The following SLC35F1 variants were observed in gnomAD, a reference collection of about 807,000 sequenced individuals.
SLC35F1 encodes chromosome 6 open reading frame 169.
In SLC35F1, 14 loss-of-function variants were observed where a neutral mutation model predicts 48.7. The ratio of observed to expected loss-of-function variants is 0.29; its 90% CI spans 0.19 to 0.45. The LOEUF (loss-of-function observed/expected upper bound fraction) is 0.45. Ranked by LOEUF, SLC35F1 falls within the 20% of genes least tolerant of loss-of-function variation. SLC35F1 has a pLI of 1.00. For missense variants in SLC35F1, 404 were observed against 500.0 expected (o/e 0.81, Z 1.83); for synonymous variants, 190 against 202.2 (o/e 0.94, Z 0.51).
intron 1 of SLC35F1, among the ~76,000 whole-genome samples, chr6:118,140,321 G>T (rs77069447): frequency 0.017 from 2,602 of 152,238 alleles, 80 homozygotes; most frequent in African/African-American, 0.059. Flanking sequence ...ATATAACAGT[G>T]GTCCCATAAG....
intron 1 of SLC35F1, among the ~76,000 whole-genome samples, chr6:118,009,881 T>A (rs989905578): frequency 6.6e-6 from 1 of 152,060 alleles, no homozygotes; most frequent in African/African-American, 2.4e-5. Flanking sequence ...TAAGAAAAAA[T>A]TTTTCTGATG....
intron 2 of SLC35F1, among the ~76,000 whole-genome samples, chr6:118,192,559 T>G (rs773837184): frequency 1.3e-5 from 2 of 152,178 alleles, no homozygotes; most frequent in African/African-American, 2.4e-5. Flanking sequence ...AATAGTCAGT[T>G]AAATACACAA....
chr6:117,931,656 T>C (rs1776103294), intron 1 of SLC35F1, among the ~76,000 whole-genome samples: 1 of 152,074 alleles, frequency 6.6e-6, no homozygotes, highest in Non-Finnish European at 1.5e-5. Flanking sequence ...ATTGTGTGAG[T>C]AGGTGAAGGT....
At chr6:118,237,324 AACAC>A (rs67116512) in intron 3 of SLC35F1, among the ~76,000 whole-genome samples, 12,531 of 149,628 alleles carry the variant, frequency 0.084, 652 homozygotes, top group African/African-American at 0.15. Context: ...ATTCTAAGAA[AACAC>A]ACACACACAC....
At chr6:118,212,860 C>G (rs1309966634) in intron 2 of SLC35F1, among the ~76,000 whole-genome samples, 1 of 151,978 alleles carries the variant, frequency 6.6e-6, no homozygotes, top group Non-Finnish European at 1.5e-5. Context: ...AATAATTTAT[C>G]TAGTTTTCTT....
chr6:118,103,839 A>G (rs191337433), intron 1 of SLC35F1, among the ~76,000 whole-genome samples: 57 of 152,098 alleles, frequency 3.7e-4, no homozygotes, highest in Admixed American at 5.9e-4. Flanking sequence ...CTGATCTCAC[A>G]TTTTAGTTTT....
intron 1 of SLC35F1, among the ~76,000 whole-genome samples, chr6:117,952,334 C>A (rs1350074420): frequency 3.3e-5 from 5 of 152,134 alleles, no homozygotes; most frequent in African/African-American, 7.2e-5. Flanking sequence ...AGACCTGTAC[C>A]ATGGGGCTGC....
At chr6:117,999,464 T>G in intron 1 of SLC35F1, 1 of 1,562,312 alleles carries the variant, frequency 6.4e-7, no homozygotes, top group Non-Finnish European at 8.6e-7. Flanking sequence ...TCTGCCAACA[T>G]GAGGACAGAA....
At chr6:118,019,574 A>G (rs1046794501) in intron 1 of SLC35F1, among the ~76,000 whole-genome samples, 1 of 152,158 alleles carries the variant, frequency 6.6e-6, no homozygotes. Context: ...GTGAGCCAAG[A>G]TCACGCTACT....
chr6:118,009,163 G>A (rs891273491), intron 1 of SLC35F1, among the ~76,000 whole-genome samples: 10 of 152,038 alleles, frequency 6.6e-5, no homozygotes, highest in Non-Finnish European at 1.3e-4. Context: ...TGCCTGCCAC[G>A]TGTCAGGCAC....
chr6:117,945,622 C>T (rs958201119), intron 1 of SLC35F1, among the ~76,000 whole-genome samples: 16 of 152,246 alleles, frequency 1.1e-4, no homozygotes, highest in Non-Finnish European at 1.3e-4. Flanking sequence ...ATTCTTTTCC[C>T]GATTCTCTAG....
intron 1 of SLC35F1, among the ~76,000 whole-genome samples, chr6:117,991,829 A>G (rs1487419892): frequency 6.6e-6 from 1 of 152,168 alleles, no homozygotes; most frequent in Non-Finnish European, 1.5e-5. Flanking sequence ...TTTGGTTAGT[A>G]CTGGGATACA....
At chr6:118,274,376 C>T (rs1214579205) in intron 4 of SLC35F1, among the ~76,000 whole-genome samples, 1 of 152,110 alleles carries the variant, frequency 6.6e-6, no homozygotes, top group Non-Finnish European at 1.5e-5. Context: ...TTTAAATCAA[C>T]CAAAATTGAG....
intron 1 of SLC35F1, among the ~76,000 whole-genome samples, chr6:117,921,980 C>T (rs1361287): frequency 0.19 from 28,899 of 152,044 alleles, 3,443 homozygotes; most frequent in South Asian, 0.29. Context: ...AAAAAGATTT[C>T]TTAGCCAAAT....
intron 1 of SLC35F1, among the ~76,000 whole-genome samples, chr6:118,109,020 C>A (rs989721166): frequency 6.6e-6 from 1 of 152,086 alleles, no homozygotes; most frequent in African/African-American, 2.4e-5. Context: ...ATAGTGAAAG[C>A]TAATGATGAA....
At chr6:117,992,719 A>G (rs1776935151) in intron 1 of SLC35F1, among the ~76,000 whole-genome samples, 1 of 152,268 alleles carries the variant, frequency 6.6e-6, no homozygotes, top group Non-Finnish European at 1.5e-5. Flanking sequence ...TTAAAGTGCC[A>G]TGAAGAAATA....
intron 1 of SLC35F1, among the ~76,000 whole-genome samples, chr6:118,087,277 C>A (rs1027502771): frequency 1.3e-5 from 2 of 151,936 alleles, no homozygotes; most frequent in African/African-American, 4.8e-5. Flanking sequence ...ATGAGGACAC[C>A]CGTCATATTG....
chr6:118,309,798 C>G (rs1434667522), intron 7 of SLC35F1, among the ~76,000 whole-genome samples: 1 of 152,184 alleles, frequency 6.6e-6, no homozygotes, highest in African/African-American at 2.4e-5. Context: ...ATCAAACTGA[C>G]AGGCCAGCTT....
intron 1 of SLC35F1, among the ~76,000 whole-genome samples, chr6:118,090,453 T>G (rs1294914328): frequency 6.6e-6 from 1 of 152,164 alleles, no homozygotes; most frequent in Non-Finnish European, 1.5e-5. Flanking sequence ...CTACTTTAAA[T>G]TGAAATATTA....
Sources: allele counts gnomAD v4.1 joint callset (sites outside exome capture counted in the v4.1 genomes callset), GRCh38; gene constraint gnomAD v4.1.1; transcripts MANE v1.5; gene names NCBI Gene and HGNC (gene_info 2026-07-23, HGNC 2026-07-21).